The following ZDHHC15 variants were observed in gnomAD, a reference collection of about 807,000 sequenced individuals.
ZDHHC15 encodes zDHHC palmitoyltransferase 15.
Under a neutral mutation model 31.7 loss-of-function variants are expected in ZDHHC15, and 19 were observed. The ratio of observed to expected loss-of-function variants is 0.60; its 90% CI spans 0.42 to 0.88. ZDHHC15 has a LOEUF of 0.88. ZDHHC15 is among the 40% of genes least tolerant of loss of function. The pLI is 0.00. For synonymous variants in ZDHHC15, 103 were observed against 90.0 expected (o/e 1.14, Z -0.82); for missense variants, 209 against 251.2 (o/e 0.83, Z 1.14).
At chrX:75,407,902 A>G (rs1402978326) in intron 10 of ZDHHC15, among the ~76,000 whole-genome samples, 1 of 111,691 alleles carries the variant, frequency 9.0e-6, no homozygotes, top group Non-Finnish European at 1.9e-5. Flanking sequence ...GTTAATCTAT[A>G]ACCTTACCCC....
rs140265840 is a variant in ZDHHC15 at position 75,474,422 on chromosome X, T to C, written c.258+4469A>G. Among the ~76,000 whole-genome samples the C allele has an allele frequency of 3.4e-3, 296 of 87,487 alleles. 1 individual carries two copies. Among genetic ancestry groups the C allele is most frequent in the African/African-American group, 0.011 (271 of 24,793 alleles). 76.0% of individuals were successfully genotyped at this position (87,487 alleles called of 115,157 possible). On this transcript the variant is annotated intron_variant, in intron 3 of 11. Transcript: ENST00000373367. ...TGTGATTGTGTGAATTAATACTTAA[T>C]AAACTCCCCTTTATATATATATATA...
At chrX:75,415,189 C>T (rs983780306) in intron 10 of ZDHHC15, among the ~76,000 whole-genome samples, 1 of 111,904 alleles carries the variant, frequency 8.9e-6, no homozygotes, top group Non-Finnish European at 1.9e-5. Flanking sequence ...ACTTACAGCA[C>T]CTTTCCTAGG....
chrX:75,483,993 C>CTCTA (rs1351086770), intron 2 of ZDHHC15, among the ~76,000 whole-genome samples: 2 of 111,801 alleles, frequency 1.8e-5, no homozygotes, highest in African/African-American at 6.5e-5. Context: ...CCAATAATTC[C>CTCTA]TCTATCTCAT....
rs1355377449 is a variant in ZDHHC15, at chrX:75,449,197, TCTATACACACACACACACACAC to T, written c.379+1583_379+1604del. Among the ~76,000 whole-genome samples the T allele has an allele frequency of 4.4e-4, 16 of 36,053 alleles. 1 individual carries two copies. Among genetic ancestry groups the T allele is most frequent in the East Asian group, 3.2e-3 (9 of 2,804 alleles). 31.3% of individuals were successfully genotyped at this position (36,053 alleles called of 115,157 possible). A position where few individuals can be genotyped will look rare whatever the true frequency, so the allele number is the denominator to read the frequency against. On this transcript the variant is annotated intron_variant, in intron 4 of 11. Coordinates refer to ENST00000373367, the MANE Select transcript of ZDHHC15 (RefSeq NM_144969.3). Reference sequence around the variant, plus strand: ...TGATTCCTCATAATCTCTCTCTCTCTCTATACACACACACACACACACACACACACACACACACACACACACA... The same window carrying T: ...TGATTCCTCATAATCTCTCTCTCTCTACACACACACACACACACACACACA...
chrX:75,490,641 T>A (rs1038677674), intron 2 of ZDHHC15, among the ~76,000 whole-genome samples: 2 of 111,560 alleles, frequency 1.8e-5, no homozygotes. Flanking sequence ...TGTTCTTCCA[T>A]TTGTTTGTAT....
chrX:75,436,103 C>T (rs1189075649), intron 4 of ZDHHC15, among the ~76,000 whole-genome samples: 1 of 111,174 alleles, frequency 9.0e-6, no homozygotes, highest in Non-Finnish European at 1.9e-5. Flanking sequence ...TTATCCATCT[C>T]CTCTAAATTT....
At chrX:75,518,937 AAGTC>A (rs1331924501) in intron 1 of ZDHHC15, among the ~76,000 whole-genome samples, 5 of 106,786 alleles carry the variant, frequency 4.7e-5, no homozygotes, top group African/African-American at 1.7e-4. Context: ...TAATTGGAAG[AAGTC>A]AGACACAAAA....
In ZDHHC15 at chrX:75,409,082, GA is replaced by G. The variant is rs199578538; in HGVS notation, c.967+8004del. Among the ~76,000 whole-genome samples, 89 of 111,948 alleles carry G rather than the reference GA, an allele frequency of 8.0e-4. No homozygotes were observed. The East Asian group carries it at 0.022, about 28-fold the overall frequency. On this transcript the variant is annotated intron_variant, in intron 10 of 11. Transcript: ENST00000373367. The stretch of plus-strand genomic sequence containing the variant: ...CAAAATACCAATGGCATTCTTCACA[GA>G]AATGGAAAAAATAATTCTTAAATGT...
At chrX:75,460,592 G>T (rs1264942362) in intron 3 of ZDHHC15, among the ~76,000 whole-genome samples, 3 of 110,424 alleles carry the variant, frequency 2.7e-5, no homozygotes, top group Non-Finnish European at 5.7e-5. Flanking sequence ...AGAGAAGGCT[G>T]CCATCTTTGT....
At chrX:75,493,641 T>C (rs1370147148) in intron 2 of ZDHHC15, among the ~76,000 whole-genome samples, 6 of 112,113 alleles carry the variant, frequency 5.4e-5, no homozygotes, top group Non-Finnish European at 9.4e-5. Context: ...CGCAAATCAA[T>C]AAACTTAATT....
At chrX:75,466,545 C>A (rs915951555) in intron 3 of ZDHHC15, among the ~76,000 whole-genome samples, 1 of 111,185 alleles carries the variant, frequency 9.0e-6, no homozygotes, top group Non-Finnish European at 1.9e-5. Context: ...TCAATTAAAC[C>A]TCTTTTCTTT....
At chrX:75,508,407 T>C (rs1267456820) in intron 1 of ZDHHC15, among the ~76,000 whole-genome samples, 2 of 104,786 alleles carry the variant, frequency 1.9e-5, no homozygotes, top group African/African-American at 3.5e-5. Context: ...TTGGTTTTTT[T>C]TGTCCTTGCG....
intron 1 of ZDHHC15, among the ~76,000 whole-genome samples, chrX:75,517,283 C>CACAA (rs1172993384): frequency 1.8e-5 from 2 of 111,283 alleles, no homozygotes; most frequent in Non-Finnish European, 3.8e-5. Context: ...AAGACACATG[C>CACAA]ACAAGTATGT....
chrX:75,400,855 C>T (rs2083348581), intron 10 of ZDHHC15, among the ~76,000 whole-genome samples: 1 of 111,567 alleles, frequency 9.0e-6, no homozygotes. Context: ...AAAACTTCAA[C>T]CAAAAATTTC....
intron 10 of ZDHHC15, among the ~76,000 whole-genome samples, chrX:75,381,959 C>G (rs2083119538): frequency 8.9e-6 from 1 of 112,043 alleles, no homozygotes; most frequent in Non-Finnish European, 1.9e-5. Flanking sequence ...ATCCTCAAAA[C>G]TCTCACCAGA....
chrX:75,487,659 G>A (rs1049435550), intron 2 of ZDHHC15, among the ~76,000 whole-genome samples: 4 of 112,012 alleles, frequency 3.6e-5, no homozygotes, highest in African/African-American at 1.3e-4. Context: ...TAGCTCTCCA[G>A]CAATTGATCC....
intron 4 of ZDHHC15, among the ~76,000 whole-genome samples, chrX:75,439,444 C>A (rs2083908635): frequency 9.0e-6 from 1 of 111,607 alleles, no homozygotes; most frequent in African/African-American, 3.3e-5. Flanking sequence ...TCTTCTACTT[C>A]TTCAATTATA....
intron 3 of ZDHHC15, among the ~76,000 whole-genome samples, chrX:75,455,145 G>T (rs972755318): frequency 5.4e-5 from 6 of 111,744 alleles, no homozygotes; most frequent in African/African-American, 2.0e-4. Context: ...AACCAAAACT[G>T]CATGGTACTG....
At chrX:75,459,723 C>T (rs1230093267) in intron 3 of ZDHHC15, among the ~76,000 whole-genome samples, 3 of 112,125 alleles carry the variant, frequency 2.7e-5, no homozygotes, top group Non-Finnish European at 5.6e-5. Flanking sequence ...TCAGCGAACT[C>T]AGCCATTTCA....
Sources: gnomAD v4.1 joint callset for allele counts (sites outside exome capture counted in the v4.1 genomes callset) on GRCh38, gnomAD v4.1.1 for gene constraint, MANE v1.5 for transcripts, NCBI Gene and HGNC (gene_info 2026-07-23, HGNC 2026-07-21) for gene names.